The following CHMP2B variants were observed in gnomAD, a reference collection of about 807,000 sequenced individuals.
CHMP2B encodes the protein VPS2 homolog B.
A neutral mutation model predicts 29.8 loss-of-function variants in CHMP2B; 22 were observed. The ratio of observed to expected loss-of-function variants is 0.74; its 90% CI spans 0.53 to 1.05. The LOEUF is 1.05. Ranked by LOEUF, CHMP2B falls within the 50% of genes least tolerant of loss-of-function variation. CHMP2B has a pLI of 0.00. For missense variants in CHMP2B, 261 were observed against 252.2 expected (o/e 1.03, Z -0.24); for synonymous variants, 78 against 75.8 (o/e 1.03, Z -0.15).
chr3:87,241,492 G>A (rs771731590), intron 2 of CHMP2B, among the ~76,000 whole-genome samples: 3 of 152,116 alleles, frequency 2.0e-5, no homozygotes, highest in Non-Finnish European at 4.4e-5. Flanking sequence ...TCCTGGTGAA[G>A]CAAATACTGA....
intron 2 of CHMP2B, among the ~76,000 whole-genome samples, chr3:87,242,395 T>A (rs1706134322): frequency 6.6e-6 from 1 of 152,150 alleles, no homozygotes; most frequent in African/African-American, 2.4e-5. Flanking sequence ...TTTCTAAGTC[T>A]TCTGTATCAT....
intron 1 of CHMP2B, among the ~76,000 whole-genome samples, chr3:87,232,640 A>AT (rs1476088958): frequency 1.3e-5 from 2 of 152,192 alleles, no homozygotes; most frequent in Non-Finnish European, 2.9e-5. Context: ...GTATTTCTGC[A>AT]TCCCCAGCAT....
rs1316862236 is a variant in CHMP2B, at chr3:87,254,590, TAAAAC to T, written c.*770_*774del. ...ACTCTTATTTTAGACACGCCTCTGTTAAAACAGACCAGGTTTTCCTGGTCTCAGAC... is the reference window on the plus strand; with the variant it reads ...ACTCTTATTTTAGACACGCCTCTGTTAGACCAGGTTTTCCTGGTCTCAGAC... On this transcript the variant is annotated 3_prime_UTR_variant, in exon 6 of 6. Coordinates refer to ENST00000263780, the MANE Select transcript of CHMP2B (RefSeq NM_014043.4). The T allele has an allele frequency of 2.0e-5, 3 of 152,278 alleles. No homozygotes were observed. Among genetic ancestry groups the T allele is most frequent in the South Asian group, 2.1e-4 (1 of 4,814 alleles). 9.4% of individuals were successfully genotyped at this position (152,278 alleles called of 1,614,324 possible).
At chr3:87,234,594 G>C (rs938381334) in intron 1 of CHMP2B, among the ~76,000 whole-genome samples, 2 of 152,232 alleles carry the variant, frequency 1.3e-5, no homozygotes, top group South Asian at 4.1e-4. Flanking sequence ...AATGGTAAGA[G>C]AGAGAATATA....
chr3:87,243,776 G>T (rs1706163326), intron 2 of CHMP2B, among the ~76,000 whole-genome samples: 1 of 151,712 alleles, frequency 6.6e-6, no homozygotes, highest in South Asian at 2.1e-4. Context: ...CTGATATATT[G>T]TTTATAATAT....
chr3:87,250,573 GC>G (rs1167681997), intron 4 of CHMP2B, among the ~76,000 whole-genome samples: 1 of 151,688 alleles, frequency 6.6e-6, no homozygotes, highest in African/African-American at 2.4e-5. Flanking sequence ...TGAATATCTT[GC>G]TTTTTAAAAA....
At chr3:87,232,864 ACAT>A (rs749063450) in intron 1 of CHMP2B, among the ~76,000 whole-genome samples, 10 of 152,188 alleles carry the variant, frequency 6.6e-5, no homozygotes, top group Non-Finnish European at 1.5e-4. Flanking sequence ...AAGTCTACTG[ACAT>A]GTGCCCATCT....
At chr3:87,234,934 A>G (rs1487791740) in intron 1 of CHMP2B, among the ~76,000 whole-genome samples, 1 of 152,176 alleles carries the variant, frequency 6.6e-6, no homozygotes, top group African/African-American at 2.4e-5. Context: ...ATCATGTTTC[A>G]TATTTTACTA....
chr3:87,249,676 A>G (rs912765599), intron 3 of CHMP2B, among the ~76,000 whole-genome samples, 199 bp from the exon 4 acceptor site: 1 of 151,996 alleles, frequency 6.6e-6, no homozygotes, highest in Admixed American at 6.6e-5. Flanking sequence ...ACTGGTCTTT[A>G]TTATATAGAT....
At chr3:87,236,997 T>C (rs1706027421) in intron 1 of CHMP2B, among the ~76,000 whole-genome samples, 1 of 152,196 alleles carries the variant, frequency 6.6e-6, no homozygotes, top group Non-Finnish European at 1.5e-5. Context: ...TAGAGCACAT[T>C]TTCTATGGAA....
intron 1 of CHMP2B, among the ~76,000 whole-genome samples, chr3:87,238,485 C>T (rs572797290): frequency 6.6e-6 from 1 of 152,154 alleles, no homozygotes; most frequent in Non-Finnish European, 1.5e-5. Context: ...TCCCCAACCC[C>T]TGCCATATAC....
At chr3:87,247,001 A>T (rs1310109251) in intron 3 of CHMP2B, among the ~76,000 whole-genome samples, 3 of 152,198 alleles carry the variant, frequency 2.0e-5, no homozygotes, top group Non-Finnish European at 2.9e-5. Flanking sequence ...TGTACAGAAG[A>T]GGGATTGTGA....
rs112081025 is a variant in CHMP2B, at chr3:87,250,245, AGT to A, written c.424+269_424+270del. 3.3e-3 allele frequency among the ~76,000 whole-genome samples: 508 copies of A among 152,116 alleles called. 4 individuals are homozygous for A. Among genetic ancestry groups the A allele is most frequent in the African/African-American group, 0.011 (476 of 41,572 alleles). On this transcript the variant is annotated intron_variant, in intron 4 of 5. Coordinates refer to ENST00000263780, the MANE Select transcript of CHMP2B (RefSeq NM_014043.4). Reference sequence around the variant, plus strand: ...ACATAATTCATGATATAAGTCAAGCAGTTTCAGAGTTATGTCAACTCTTTGAT... The same window carrying A: ...ACATAATTCATGATATAAGTCAAGCATTCAGAGTTATGTCAACTCTTTGAT...
intron 1 of CHMP2B, among the ~76,000 whole-genome samples, chr3:87,240,058 G>GGT (rs558691038): frequency 0.014 from 2,037 of 150,170 alleles, 21 homozygotes; most frequent in Non-Finnish European, 0.022. Flanking sequence ...ACATGAAAAG[G>GGT]GTGTGTGTGT....
chr3:87,253,251 T>C (rs1706347859), intron 4 of CHMP2B, 153 bp from the exon 5 acceptor site: 4 of 639,390 alleles, frequency 6.3e-6, no homozygotes, highest in Non-Finnish European at 1.2e-5. Context: ...TTTATCAATT[T>C]ACTTCACTGA....
At chr3:87,230,184 C>A (rs1220258176) in intron 1 of CHMP2B, among the ~76,000 whole-genome samples, 2 of 152,130 alleles carry the variant, frequency 1.3e-5, no homozygotes, top group Non-Finnish European at 2.9e-5. Flanking sequence ...GGACTTGTCA[C>A]AAATGCACAA....
intron 2 of CHMP2B, among the ~76,000 whole-genome samples, chr3:87,242,262 G>T (rs1024146635): frequency 1.3e-5 from 2 of 151,934 alleles, no homozygotes; most frequent in African/African-American, 4.8e-5. Context: ...TCCTAAGTGT[G>T]TTTTGAGGAA....
rs1490777928 is a variant in CHMP2B at position 87,240,695 on chromosome 3, C to T, written c.35-4C>T. 1 of 1,596,616 alleles carries T rather than the reference C, an allele frequency of 6.3e-7. No individual in the cohort carries two copies. Among genetic ancestry groups the T allele is most frequent in the East Asian group, 2.2e-5 (1 of 44,762 alleles). ...AATTTAGGTTTCTTTTGTGATTCTC[C>T]TAGATGTAATAAAGGAACAGAATCG... On this transcript the variant is annotated splice_polypyrimidine_tract_variant and splice_region_variant and intron_variant, in intron 1 of 5. Transcript: ENST00000263780.
chr3:87,231,802 A>T (rs1174298112), intron 1 of CHMP2B, among the ~76,000 whole-genome samples: 2 of 152,096 alleles, frequency 1.3e-5, no homozygotes, highest in Admixed American at 6.5e-5. Flanking sequence ...GCTAAGCTGA[A>T]CTATCCTAGG....
Sources: allele counts gnomAD v4.1 joint callset (sites outside exome capture counted in the v4.1 genomes callset), GRCh38; gene constraint gnomAD v4.1.1; transcripts MANE v1.5; gene names NCBI Gene and HGNC (gene_info 2026-07-23, HGNC 2026-07-21).